The following COL11A1 variants were observed in gnomAD, a reference collection of about 807,000 sequenced individuals.
COL11A1 encodes collagen type XI alpha 1 chain.
COL11A1 carries 74 observed loss-of-function variants against 265.2 expected under a neutral mutation model. The ratio of observed to expected loss-of-function variants is 0.28; its 90% confidence interval spans 0.23 to 0.34. The LOEUF is 0.34. Among genes scored for constraint, COL11A1 ranks in the 10% least tolerant of loss-of-function variants. The pLI is 1.00. For synonymous variants in COL11A1, 816 were observed against 727.6 expected, an observed-to-expected ratio of 1.12 and a Z score of -1.96; for missense variants, 2,165 against 2,263.6, an observed-to-expected ratio of 0.96 and a Z score of 0.88.
At chr1:103,088,901 G>T (rs1286972437) in intron 1 of COL11A1, among the ~76,000 whole-genome samples, 1 of 152,080 alleles carries the variant, frequency 6.6e-6, no homozygotes, top group Non-Finnish European at 1.5e-5. Flanking sequence ...AGGACCACTG[G>T]AGAAAAATCA....
intron 46 of COL11A1, among the ~76,000 whole-genome samples, chr1:102,932,159 C>T (rs938999122): frequency 6.6e-5 from 10 of 151,154 alleles, no homozygotes; most frequent in East Asian, 5.8e-4. Context: ...TTATTTTGCT[C>T]GTTAGTTGAT....
intron 13 of COL11A1, among the ~76,000 whole-genome samples, chr1:103,014,283 T>G (rs1159400348): frequency 6.6e-6 from 1 of 152,128 alleles, no homozygotes; most frequent in Non-Finnish European, 1.5e-5. Flanking sequence ...ACTGCTAGAA[T>G]TATATAATGG....
intron 23 of COL11A1, among the ~76,000 whole-genome samples, 167 bp from the exon 24 acceptor site, chr1:103,002,136 C>G (rs1665165477): frequency 6.6e-6 from 1 of 152,082 alleles, no homozygotes; most frequent in Admixed American, 6.6e-5. Context: ...TTTACACAAG[C>G]TGCTCTTTTT....
intron 25 of COL11A1, among the ~76,000 whole-genome samples, chr1:102,997,365 A>G (rs1280129067): frequency 6.6e-6 from 1 of 152,016 alleles, no homozygotes; most frequent in Non-Finnish European, 1.5e-5. Flanking sequence ...AATGCATTTG[A>G]GAGAGCTTAG....
chr1:103,043,488 C>A (rs1042280630), intron 4 of COL11A1, among the ~76,000 whole-genome samples: 1 of 151,994 alleles, frequency 6.6e-6, no homozygotes, highest in African/African-American at 2.4e-5. Context: ...CAGAGATTTT[C>A]ACAATTCCTG....
At chr1:103,046,071 A>G (rs1669238839) in intron 4 of COL11A1, among the ~76,000 whole-genome samples, 3 of 151,630 alleles carry the variant, frequency 2.0e-5, no homozygotes, top group Admixed American at 6.6e-5. Context: ...TAGTGCTGCA[A>G]TAAACATACG....
chr1:102,886,767 G>A, intron 63 of COL11A1, 40 bp downstream of exon 63: 1 of 1,613,356 alleles, frequency 6.2e-7, no homozygotes, highest in Non-Finnish European at 8.5e-7. Flanking sequence ...AGAAACTCAG[G>A]GGCTCGGTAC....
intron 41 of COL11A1, 48 bp downstream of exon 41, chr1:102,961,818 G>T: frequency 6.5e-7 from 1 of 1,528,860 alleles, no homozygotes; most frequent in Non-Finnish European, 9.1e-7. Flanking sequence ...AAGAAGAGCT[G>T]TAATTCACAA....
At chr1:103,063,322 A>G (rs1222213976) in intron 4 of COL11A1, among the ~76,000 whole-genome samples, 1 of 152,134 alleles carries the variant, frequency 6.6e-6, no homozygotes, top group African/African-American at 2.4e-5. Context: ...GACTTAATAT[A>G]ATATTACAAT....
At chr1:103,002,576 A>C in intron 22 of COL11A1, 95 bp from the exon 23 acceptor site, 1 of 1,191,594 alleles carries the variant, frequency 8.4e-7, no homozygotes, top group Non-Finnish European at 1.2e-6. Flanking sequence ...CCACCCTCAA[A>C]CAGTTTTCCC....
chr1:102,907,103 G>T (rs900432185), intron 54 of COL11A1, among the ~76,000 whole-genome samples: 1 of 151,938 alleles, frequency 6.6e-6, no homozygotes, highest in African/African-American at 2.4e-5. Context: ...GCTGACCTAA[G>T]GTTGATTTTT....
intron 1 of COL11A1, among the ~76,000 whole-genome samples, chr1:103,095,024 G>A (rs115606639): frequency 0.012 from 1,861 of 152,088 alleles, 44 homozygotes; most frequent in African/African-American, 0.043. Context: ...ACAAAATGCC[G>A]TTACCATTTC....
At chr1:103,002,860 T>A in intron 21 of COL11A1, 69 bp from the exon 22 acceptor site, 1 of 1,377,178 alleles carries the variant, frequency 7.3e-7, no homozygotes, top group Non-Finnish European at 1.0e-6. Flanking sequence ...TCAAAAAGAC[T>A]AATCTAATAT....
chr1:102,965,660 A>G, intron 37 of COL11A1, 120 bp from the exon 38 acceptor site: 3 of 754,370 alleles, frequency 4.0e-6, no homozygotes, highest in Non-Finnish European at 6.9e-6. Flanking sequence ...AAAAATATTT[A>G]TTTTCAAATG....
At chr1:102,966,135 A>G (rs2101599211) in intron 37 of COL11A1, among the ~76,000 whole-genome samples, 1 of 152,318 alleles carries the variant, frequency 6.6e-6, no homozygotes, top group South Asian at 2.1e-4. Flanking sequence ...GGTTGATTTG[A>G]GCAGAATATA....
chr1:103,025,736 T>G, intron 6 of COL11A1, 123 bp from the exon 7 acceptor site: 1 of 1,595,908 alleles, frequency 6.3e-7, no homozygotes, highest in Non-Finnish European at 8.6e-7. Flanking sequence ...GTTAAGACTA[T>G]GATTCATGAT....
At chr1:102,914,614 C>G in intron 51 of COL11A1, 90 bp downstream of exon 51, 1 of 1,054,070 alleles carries the variant, frequency 9.5e-7, no homozygotes, top group Non-Finnish European at 1.4e-6. Context: ...CATCTATGTT[C>G]CAGAGTCTCA....
chr1:103,006,560 C>T (rs577843025), intron 15 of COL11A1, among the ~76,000 whole-genome samples: 4 of 32,550 alleles, frequency 1.2e-4, no homozygotes, highest in Admixed American at 5.6e-4. Flanking sequence ...TTTTTTGAGA[C>T]GGAGTCTAGC....
At chr1:103,079,663 A>T (rs1672247141) in intron 2 of COL11A1, among the ~76,000 whole-genome samples, 1 of 152,024 alleles carries the variant, frequency 6.6e-6, no homozygotes, top group South Asian at 2.1e-4. Context: ...TTTTCAAAAT[A>T]GTTTTACAAA....
Sources: gnomAD v4.1 joint callset for allele counts (sites outside exome capture counted in the v4.1 genomes callset) on GRCh38, gnomAD v4.1.1 for gene constraint, MANE v1.5 for transcripts, NCBI Gene and HGNC (gene_info 2026-07-23, HGNC 2026-07-21) for gene names.